The following PREX1 variants were observed in gnomAD, a reference collection of about 807,000 sequenced individuals.
The protein encoded by PREX1 is phosphatidylinositol-3,4,5-trisphosphate dependent Rac exchange factor 1.
In PREX1, 41 loss-of-function variants were observed where a neutral mutation model predicts 198.3. That is an observed-to-expected ratio of 0.21 (90% CI 0.16 to 0.27). The LOEUF (loss-of-function observed/expected upper bound fraction) is 0.27, where lower values mean the gene tolerates loss of function less well. PREX1 is among the 10% of genes least tolerant of loss of function. PREX1 has a pLI of 1.00. For synonymous variants in PREX1, 843 were observed against 887.2 expected (o/e 0.95, Z 0.89); for missense variants, 1,620 against 2,200.7 (o/e 0.74, Z 5.28).
At chr20:48,627,679 G>C (rs537618168) in intron 38 of PREX1, 64 bp from the exon 39 acceptor site, 9 of 1,511,972 alleles carry the variant, frequency 6.0e-6, no homozygotes, top group Admixed American at 3.4e-5. Flanking sequence ...AAGCACACTG[G>C]GGGGTGGGGG....
Position 48,700,733 on chromosome 20 carries a change from C to T in PREX1, c.917+20G>A. 2 of 1,612,276 alleles carry T rather than the reference C, an allele frequency of 1.2e-6. No homozygotes were observed. The highest frequency in any genetic ancestry group is 1.7e-6 in the Non-Finnish European group (2 of 1,179,792). On this transcript the variant is annotated intron_variant, in intron 7 of 39. Coordinates refer to ENST00000371941, the MANE Select transcript of PREX1 (RefSeq NM_020820.4). The stretch of plus-strand genomic sequence containing the variant: ...AGAAGGCAGCAGGCCAGACCCCATC[C>T]CAGCCTCCTGGCCACTCACCTGGAT...
At chr20:48,723,433 T>C (rs939858174) in intron 5 of PREX1, among the ~76,000 whole-genome samples, 8 of 152,182 alleles carry the variant, frequency 5.3e-5, no homozygotes, top group Non-Finnish European at 1.0e-4. Context: ...ATGCAAATGT[T>C]CCCGCTCTGG....
At chr20:48,869,889 T>G in the PREX1 span, among the ~76,000 whole-genome samples, 2 of 152,158 alleles carry the variant, frequency 1.3e-5, no homozygotes, top group Non-Finnish European at 2.9e-5. Context: ...AAACACCTAA[T>G]GCACGCTGGG....
intron 1 of PREX1, among the ~76,000 whole-genome samples, chr20:48,761,307 T>C (rs562913657): frequency 5.8e-4 from 89 of 152,246 alleles, no homozygotes; most frequent in Non-Finnish European, 9.1e-4. Context: ...ATCAGTCTAT[T>C]ATCCATCTAG....
At chr20:48,796,813 T>C (rs1049021101) in intron 1 of PREX1, among the ~76,000 whole-genome samples, 2 of 151,080 alleles carry the variant, frequency 1.3e-5, no homozygotes, top group Admixed American at 6.6e-5. Flanking sequence ...TACACATGTA[T>C]AGCTGTAACA....
chr20:48,820,158 C>T (rs2123073394), intron 1 of PREX1, among the ~76,000 whole-genome samples: 1 of 152,338 alleles, frequency 6.6e-6, no homozygotes, highest in Admixed American at 6.5e-5. Flanking sequence ...GAAGAGCAGA[C>T]AGATTCCCTT....
intron 1 of PREX1, among the ~76,000 whole-genome samples, chr20:48,794,096 CT>C (rs1164397836): frequency 6.6e-6 from 1 of 152,166 alleles, no homozygotes; most frequent in Non-Finnish European, 1.5e-5. Flanking sequence ...GGAGGACCCC[CT>C]TATGAACACC....
chr20:48,651,099 G>GAAGATTTT, intron 22 of PREX1, 44 bp from the exon 23 acceptor site: 1 of 1,604,890 alleles, frequency 6.2e-7, no homozygotes, highest in South Asian at 1.1e-5. Flanking sequence ...TGTGTGCCGG[G>GAAGATTTT]AAGATTTTAA....
chr20:48,844,705 G>A, the PREX1 span, among the ~76,000 whole-genome samples: 1 of 152,124 alleles, frequency 6.6e-6, no homozygotes, highest in Non-Finnish European at 1.5e-5. Context: ...CATGGTAGAT[G>A]GAAAGATGCA....
At chr20:48,705,391 A>G (rs1015128560) in intron 6 of PREX1, among the ~76,000 whole-genome samples, 1 of 152,238 alleles carries the variant, frequency 6.6e-6, no homozygotes, top group Non-Finnish European at 1.5e-5. Flanking sequence ...AAATTCATGA[A>G]TGATGCAACC....
intron 14 of PREX1, among the ~76,000 whole-genome samples, chr20:48,668,559 G>A (rs1039548478): frequency 3.9e-5 from 6 of 152,180 alleles, no homozygotes; most frequent in African/African-American, 1.2e-4. Context: ...GTACCCTCCC[G>A]TCCACAGCCA....
Position 48,641,051 on chromosome 20 carries a change from A to C in PREX1, c.3775+1117T>G, listed in dbSNP as rs1252995696. ...TAGATGGGTGGATAGATGGATAGACAGTGGGAGGGTAGATGGGTGGATGCA... is the reference window on the plus strand; with the variant it reads ...TAGATGGGTGGATAGATGGATAGACCGTGGGAGGGTAGATGGGTGGATGCA... On this transcript the variant is annotated intron_variant, in intron 29 of 39. Transcript: ENST00000371941. Among the ~76,000 whole-genome samples, 3 of 152,082 alleles carry C rather than the reference A, an allele frequency of 2.0e-5. 1 individual carries two copies. The highest frequency in any genetic ancestry group is 4.4e-5 in the Non-Finnish European group (3 of 67,940).
Position 48,642,387 on chromosome 20 carries a change from G to A in PREX1, c.3684+20C>T, listed in dbSNP as rs558840323. 2.5e-6 allele frequency: 4 copies of A among 1,610,684 alleles called. No homozygotes were observed. The highest frequency in any genetic ancestry group is 1.7e-5 in the Admixed American group (1 of 59,846). ...CAGGAGGAACCCAAAGTTGCGCCAG[G>A]AGTGGGGCAAAGGTCCTACCTGGTT... On this transcript the variant is annotated intron_variant, in intron 28 of 39. Transcript: ENST00000371941.
intron 1 of PREX1, among the ~76,000 whole-genome samples, chr20:48,787,440 G>A (rs1237150023): frequency 6.6e-6 from 1 of 151,610 alleles, no homozygotes; most frequent in Admixed American, 6.6e-5. Context: ...GTGTTTGAAG[G>A]AACAGCGAAT....
chr20:48,649,882 G>C, intron 24 of PREX1, 114 bp downstream of exon 24: 1 of 1,259,758 alleles, frequency 7.9e-7, no homozygotes, highest in Admixed American at 2.0e-5. Flanking sequence ...GGTCATCCCT[G>C]ATGACCATGG....
intron 3 of PREX1, among the ~76,000 whole-genome samples, chr20:48,739,827 A>G (rs935037439): frequency 6.6e-6 from 1 of 152,168 alleles, no homozygotes; most frequent in Non-Finnish European, 1.5e-5. Flanking sequence ...CTTGCCCTAT[A>G]ACTTAATCTC....
chr20:48,774,868 C>T (rs566496048), intron 1 of PREX1, among the ~76,000 whole-genome samples: 5 of 152,376 alleles, frequency 3.3e-5, no homozygotes, highest in African/African-American at 9.6e-5. Flanking sequence ...TCCATGGAAA[C>T]GCACAGCCTC....
chr20:48,667,895 C>T (rs1187475804), intron 14 of PREX1, among the ~76,000 whole-genome samples: 1 of 152,108 alleles, frequency 6.6e-6, no homozygotes. Context: ...AGTGGAGGAC[C>T]CCAAGGACAA....
intron 15 of PREX1, among the ~76,000 whole-genome samples, chr20:48,664,141 A>G (rs940191600): frequency 6.6e-5 from 10 of 152,210 alleles, no homozygotes; most frequent in African/African-American, 2.4e-4. Context: ...TTGGGAAGCC[A>G]AGGCGGGCAG....
Sources: gnomAD v4.1 joint callset for allele counts (sites outside exome capture counted in the v4.1 genomes callset) on GRCh38, gnomAD v4.1.1 for gene constraint, MANE v1.5 for transcripts, NCBI Gene and HGNC (gene_info 2026-07-23, HGNC 2026-07-21) for gene names.